The following ATP10D variants were observed in gnomAD, a reference collection of about 807,000 sequenced individuals.
The protein encoded by ATP10D is phospholipid-transporting ATPase VD.
ATP10D carries 89 observed loss-of-function variants against 144.8 expected under a neutral mutation model. That is an observed-to-expected ratio of 0.61 (90% confidence interval 0.52 to 0.73). The LOEUF is 0.73. Among genes scored for constraint, ATP10D ranks in the 30% least tolerant of loss-of-function variants. The pLI is 0.00. For missense variants in ATP10D, 1,603 were observed against 1,714.8 expected, an observed-to-expected ratio of 0.93 and a Z score of 1.15; for synonymous variants, 571 against 615.1, an observed-to-expected ratio of 0.93 and a Z score of 1.06.
intron 5 of ATP10D, 113 bp downstream of exon 5, chr4:47,525,755 G>A (rs539496135): frequency 3.0e-5 from 26 of 856,304 alleles, no homozygotes; most frequent in Admixed American, 2.3e-4. Flanking sequence ...ACTAAAGGTC[G>A]TAACTTTAGC....
intron 21 of ATP10D, among the ~76,000 whole-genome samples, chr4:47,584,240 C>A (rs1720671050): frequency 6.6e-6 from 1 of 152,194 alleles, no homozygotes. Context: ...TTCACCATCT[C>A]ATTGCCACCT....
chr4:47,562,418 G>A (rs774274992), intron 14 of ATP10D, among the ~76,000 whole-genome samples: 29 of 151,978 alleles, frequency 1.9e-4, no homozygotes, highest in Non-Finnish European at 4.3e-4. Context: ...AACAACAAGT[G>A]GCCAACAAAC....
At chr4:47,584,680 G>A (rs1422829737) in intron 21 of ATP10D, among the ~76,000 whole-genome samples, 1 of 152,192 alleles carries the variant, frequency 6.6e-6, no homozygotes, top group African/African-American at 2.4e-5. Flanking sequence ...ACAGGCGTGA[G>A]CCACTGTGCC....
chr4:47,528,939 G>C (rs548393851), intron 5 of ATP10D, among the ~76,000 whole-genome samples: 1 of 152,046 alleles, frequency 6.6e-6, no homozygotes, highest in African/African-American at 2.4e-5. Context: ...ATGCTTGTTG[G>C]CCTCTTGTAT....
At chr4:47,553,624 T>C (rs1381371996) in intron 10 of ATP10D, among the ~76,000 whole-genome samples, 2 of 152,208 alleles carry the variant, frequency 1.3e-5, no homozygotes, top group African/African-American at 4.8e-5. Flanking sequence ...TTTTTACCAT[T>C]AGGTAGAAGA....
intron 1 of ATP10D, among the ~76,000 whole-genome samples, chr4:47,500,846 G>A (rs1041719666): frequency 7.2e-5 from 11 of 152,210 alleles, no homozygotes; most frequent in African/African-American, 2.7e-4. Flanking sequence ...GATATTGGAT[G>A]TAAAGAGGAG....
At chr4:47,556,835 A>C (rs1035517107) in intron 11 of ATP10D, 3 of 152,200 alleles carry the variant, frequency 2.0e-5, no homozygotes, top group Non-Finnish European at 4.4e-5. Context: ...TTCTCAGTTT[A>C]GTCACTGATA....
At chr4:47,569,425 A>G (rs1423873295) in intron 16 of ATP10D, among the ~76,000 whole-genome samples, 1 of 152,156 alleles carries the variant, frequency 6.6e-6, no homozygotes, top group Non-Finnish European at 1.5e-5. Context: ...GCTTAAATCA[A>G]GTAATAAACT....
chr4:47,550,669 C>T (rs1249248115), intron 10 of ATP10D, among the ~76,000 whole-genome samples: 1 of 152,154 alleles, frequency 6.6e-6, no homozygotes, highest in Non-Finnish European at 1.5e-5. Flanking sequence ...CTATTAGAAG[C>T]CATGGGTCAC....
intron 10 of ATP10D, chr4:47,547,078 T>G: frequency 3.6e-6 from 2 of 559,222 alleles, no homozygotes; most frequent in South Asian, 2.3e-5. Flanking sequence ...TGAGAGGTAG[T>G]ATACCATTTC....
At chr4:47,505,900 A>T (rs1442755601) in intron 1 of ATP10D, among the ~76,000 whole-genome samples, 1 of 152,050 alleles carries the variant, frequency 6.6e-6, no homozygotes, top group Admixed American at 6.5e-5. Flanking sequence ...TTGGCTGGTG[A>T]TGACCTCAGG....
intron 21 of ATP10D, among the ~76,000 whole-genome samples, chr4:47,584,554 C>G (rs1322199620): frequency 1.3e-5 from 2 of 151,790 alleles, no homozygotes; most frequent in South Asian, 4.2e-4. Flanking sequence ...CACCACGCCC[C>G]GCTAATTTTG....
At chr4:47,575,207 G>A (rs1720166000) in intron 18 of ATP10D, among the ~76,000 whole-genome samples, 1 of 152,084 alleles carries the variant, frequency 6.6e-6, no homozygotes, top group Non-Finnish European at 1.5e-5. Context: ...AATTCAGGGT[G>A]GTTAGGGCAA....
At chr4:47,572,680 T>TG (rs780550058) in intron 17 of ATP10D, among the ~76,000 whole-genome samples, 192 bp from the exon 18 acceptor site, 114 of 141,786 alleles carry the variant, frequency 8.0e-4, no homozygotes, top group Non-Finnish European at 1.3e-3. Context: ...TGTGTGTGTG[T>TG]TGGATGGTAT....
At position 47,495,806 on chromosome 4, in the gene ATP10D, C is replaced by T. The variant is rs185456065; in HGVS notation, c.-38+10287C>T. 8.0e-5 allele frequency among the ~76,000 whole-genome samples: 12 copies of T among 150,834 alleles called. No homozygotes were observed. In the East Asian group the frequency reaches 1.6e-3, roughly 20 times the overall value. On this transcript the variant is annotated intron_variant, in intron 1 of 22. Coordinates refer to ENST00000273859, the MANE Select transcript of ATP10D (RefSeq NM_020453.4). ...AGGCTGGAGTGCAATGGTGCAATCT[C>T]GGCTCACTGCAACCTCCATCTCCCG... is the stretch of plus-strand genomic sequence containing the variant.
chr4:47,570,745 G>A (rs1379850829), intron 16 of ATP10D, among the ~76,000 whole-genome samples: 3 of 151,770 alleles, frequency 2.0e-5, no homozygotes, highest in Admixed American at 1.3e-4. Flanking sequence ...GGAGGTTGCA[G>A]TGAGCTGAGA....
chr4:47,582,107 T>G, intron 21 of ATP10D, 43 bp downstream of exon 21: 1 of 1,461,698 alleles, frequency 6.8e-7, no homozygotes, highest in Non-Finnish European at 9.6e-7. Context: ...AAATCTTTTA[T>G]GCTTGGGGAT....
chr4:47,584,312 C>A (rs1720675056), intron 21 of ATP10D, among the ~76,000 whole-genome samples: 1 of 152,142 alleles, frequency 6.6e-6, no homozygotes, highest in Non-Finnish European at 1.5e-5. Flanking sequence ...TATCAATTAA[C>A]TTAAATGTAT....
chr4:47,532,357 A>G (rs1221227821), intron 5 of ATP10D, among the ~76,000 whole-genome samples: 1 of 152,062 alleles, frequency 6.6e-6, no homozygotes, highest in East Asian at 1.9e-4. Context: ...CCCACTTGTG[A>G]TGGCTCCTCT....
Sources: gnomAD v4.1 joint callset for allele counts (sites outside exome capture counted in the v4.1 genomes callset) on GRCh38, gnomAD v4.1.1 for gene constraint, MANE v1.5 for transcripts, NCBI Gene and HGNC (gene_info 2026-07-23, HGNC 2026-07-21) for gene names.